Variants in WWTR1 observed in about 807,000 individuals in gnomAD.
WWTR1 encodes WW domain containing transcription regulator 1.
Under a neutral mutation model 40.1 loss-of-function variants are expected in WWTR1, and 13 were observed. The observed-to-expected ratio is 0.32, with a 90% CI of 0.21 to 0.52. The LOEUF (loss-of-function observed/expected upper bound fraction) is 0.52. Ranked by LOEUF, WWTR1 falls within the 20% of genes least tolerant of loss-of-function variation. The pLI is 0.97. For missense variants in WWTR1, 436 were observed against 523.1 expected, an observed-to-expected ratio of 0.83 and a Z score of 1.63; for synonymous variants, 230 against 210.1, an observed-to-expected ratio of 1.09 and a Z score of -0.82.
At chr3:149,539,954 T>C (rs558281384) in intron 4 of WWTR1, among the ~76,000 whole-genome samples, 1 of 152,254 alleles carries the variant, frequency 6.6e-6, no homozygotes, top group South Asian at 2.1e-4. Flanking sequence ...ATGCTGCTTC[T>C]GCATGGGGAA....
intron 2 of WWTR1, among the ~76,000 whole-genome samples, chr3:149,652,084 C>T (rs1174832773): frequency 2.7e-5 from 4 of 146,588 alleles, no homozygotes; most frequent in Non-Finnish European, 5.9e-5. Context: ...ACCTCGTGAT[C>T]CGCCCGCCTC....
chr3:149,652,457 CA>C lies in WWTR1; in HGVS notation c.431+4418del, dbSNP rs753204434. ...GGCAGCATAGGAAACCCTGTCTCTA[CA>C]AAAAAGTTAAATAAATTAGCCAAAT... On this transcript the variant is annotated intron_variant, in intron 2 of 6. Transcript: ENST00000360632. 1.1e-4 allele frequency among the ~76,000 whole-genome samples: 17 copies of C among 150,378 alleles called. No homozygotes were observed. The East Asian group carries it at 2.6e-3, about 23-fold the overall frequency.
At chr3:149,683,185 A>G (rs1464928825) in intron 1 of WWTR1, among the ~76,000 whole-genome samples, 1 of 152,230 alleles carries the variant, frequency 6.6e-6, no homozygotes, top group Admixed American at 6.5e-5. Flanking sequence ...TGAAAGGGAT[A>G]CTATTATTCT....
intron 1 of WWTR1, among the ~76,000 whole-genome samples, chr3:149,695,219 A>G (rs1426896947): frequency 6.6e-6 from 1 of 152,228 alleles, no homozygotes; most frequent in Non-Finnish European, 1.5e-5. Flanking sequence ...ATATAGGTAG[A>G]TAGAAAGAAT....
chr3:149,530,290 T>C (rs763464183), intron 4 of WWTR1, among the ~76,000 whole-genome samples: 119 of 151,980 alleles, frequency 7.8e-4, no homozygotes, highest in Non-Finnish European at 1.5e-3. Context: ...GGAGGTTGCA[T>C]TGAGCCGAGA....
intron 4 of WWTR1, among the ~76,000 whole-genome samples, chr3:149,723,577 T>C (rs914258845): frequency 6.6e-6 from 1 of 152,214 alleles, no homozygotes; most frequent in Non-Finnish European, 1.5e-5. Context: ...GATCCTTTCA[T>C]ATATTTTTTG....
At chr3:149,572,774 G>T in intron 3 of WWTR1, 90 bp downstream of exon 3, 1 of 1,473,092 alleles carries the variant, frequency 6.8e-7, no homozygotes, top group South Asian at 1.3e-5. Flanking sequence ...TTGAGCCCAC[G>T]AGTTCAACAC....
intron 1 of WWTR1, among the ~76,000 whole-genome samples, chr3:149,682,459 G>A (rs1714489475): frequency 6.6e-6 from 1 of 152,194 alleles, no homozygotes; most frequent in South Asian, 2.1e-4. Context: ...TTTGTTAAGA[G>A]GCTGGTTTTT....
intron 5 of WWTR1, among the ~76,000 whole-genome samples, chr3:149,708,983 A>G (rs1218803587): frequency 6.6e-6 from 1 of 151,718 alleles, no homozygotes; most frequent in East Asian, 1.9e-4. Flanking sequence ...TTATCTTTTT[A>G]TTTGGTTTTA....
Position 149,653,746 on chromosome 3 carries a change from C to T in WWTR1, c.431+3130G>A, listed in dbSNP as rs528578478. Among the ~76,000 whole-genome samples the T allele has an allele frequency of 4.6e-5, 7 of 152,060 alleles. No individual in the cohort carries two copies. The East Asian group carries it at 5.8e-4, about 13-fold the overall frequency. On this transcript the variant is annotated intron_variant, in intron 2 of 6. Coordinates refer to ENST00000360632, the MANE Select transcript of WWTR1 (RefSeq NM_015472.6). ...AGGAAGTGACATGGGGGAAAGGTGT[C>T]GGTGGGGAAAAAGGAAAACTGTTGC...
chr3:149,716,388 A>T lies in WWTR1; in HGVS notation n.584+1054T>A, dbSNP rs144890615. 6.4e-3 allele frequency among the ~76,000 whole-genome samples: 979 copies of T among 152,198 alleles called. 13 individuals carry two copies. Among genetic ancestry groups the T allele is most frequent in the African/African-American group, 0.022 (893 of 41,518 alleles). ...CAAAGGGAGACTCCATCTCAAAAAA[A>T]AATAATAAAATAAAATAAAGAAATT... On this transcript the variant is annotated intron_variant and non_coding_transcript_variant, in intron 5 of 6. Coordinates refer to the WWTR1 transcript ENST00000474080.
intron 1 of WWTR1, among the ~76,000 whole-genome samples, chr3:149,690,607 G>A (rs1714792838): frequency 6.6e-6 from 1 of 152,104 alleles, no homozygotes; most frequent in Non-Finnish European, 1.5e-5. Flanking sequence ...GGAGCATCCA[G>A]ATATATAAAG....
At chr3:149,605,993 A>T (rs747834662) in intron 2 of WWTR1, among the ~76,000 whole-genome samples, 2 of 152,218 alleles carry the variant, frequency 1.3e-5, no homozygotes, top group African/African-American at 2.4e-5. Context: ...TAGTTAGATC[A>T]TGGGGGCAGA....
At chr3:149,540,519 A>G (rs1316020286) in intron 4 of WWTR1, among the ~76,000 whole-genome samples, 1 of 152,244 alleles carries the variant, frequency 6.6e-6, no homozygotes, top group Non-Finnish European at 1.5e-5. Flanking sequence ...TCATTTAAGT[A>G]TAAAACTGAG....
In WWTR1 at chr3:149,708,683, T is replaced by C. The variant is rs546616622; in HGVS notation, n.585-5355A>G. On this transcript the variant is annotated intron_variant and non_coding_transcript_variant, in intron 5 of 6. Transcript: ENST00000474080. ...TTTAAGGCAGAATAATATTCTAGCA[T>C]ATGCTATATTTTGTTTATCCATTTG... Among the ~76,000 whole-genome samples the C allele has an allele frequency of 2.3e-4, 35 of 152,362 alleles. 1 individual carries two copies. In the East Asian group the frequency reaches 6.7e-3, roughly 29 times the overall value.
upstream of WWTR1, among the ~76,000 whole-genome samples, chr3:149,706,229 G>T (rs1715329031): frequency 6.6e-6 from 1 of 152,058 alleles, no homozygotes; most frequent in Admixed American, 6.6e-5. Context: ...AAGAAAAAAA[G>T]AAAAAGAATG....
intron 4 of WWTR1, among the ~76,000 whole-genome samples, chr3:149,530,600 A>G (rs1735528022): frequency 6.6e-6 from 1 of 151,712 alleles, no homozygotes; most frequent in African/African-American, 2.4e-5. Context: ...AACATAAAAT[A>G]ATGCTTGTGT....
chr3:149,652,267 A>G (rs1249145103), intron 2 of WWTR1, among the ~76,000 whole-genome samples: 1 of 152,026 alleles, frequency 6.6e-6, no homozygotes, highest in Non-Finnish European at 1.5e-5. Flanking sequence ...AAAAGTGAAC[A>G]GTAGAACTGG....
At chr3:149,671,038 C>G (rs1714071437) in intron 1 of WWTR1, 1 of 152,160 alleles carries the variant, frequency 6.6e-6, no homozygotes, top group African/African-American at 2.4e-5. Context: ...AGAAATGATA[C>G]TTTGCACTTG....
Sources: gnomAD v4.1 joint callset for allele counts (sites outside exome capture counted in the v4.1 genomes callset) on GRCh38, gnomAD v4.1.1 for gene constraint, MANE v1.5 for transcripts, NCBI Gene and HGNC (gene_info 2026-07-23, HGNC 2026-07-21) for gene names.